The following DTNA variants were observed in gnomAD, a reference collection of about 807,000 sequenced individuals.
DTNA encodes the protein dystrobrevin alpha, also known as dystrophin-related protein 3.
In DTNA, 43 loss-of-function variants were observed where a neutral mutation model predicts 100.7. The observed-to-expected ratio is 0.43, with a 90% CI of 0.33 to 0.55. DTNA has a LOEUF of 0.55. DTNA is among the 20% of genes least tolerant of loss of function. The pLI, the probability that DTNA is intolerant of heterozygous loss-of-function variation, is 0.04. For synonymous variants in DTNA, 349 were observed against 347.9 expected, an observed-to-expected ratio of 1.00 and a Z score of -0.04; for missense variants, 798 against 953.9, an observed-to-expected ratio of 0.84 and a Z score of 2.15.
chr18:34,655,800 G>A (rs1244887093), intron 1 of DTNA, among the ~76,000 whole-genome samples: 1 of 152,220 alleles, frequency 6.6e-6, no homozygotes, highest in Non-Finnish European at 1.5e-5. Flanking sequence ...TTGTTAGAGT[G>A]TGAATGGGCC....
chr18:34,809,460 T>TCAAAA (rs1003680868), intron 5 of DTNA, among the ~76,000 whole-genome samples: 11 of 151,736 alleles, frequency 7.2e-5, no homozygotes, highest in Admixed American at 5.9e-4. Flanking sequence ...AAAACACAAA[T>TCAAAA]CAAAACAAAA....
At chr18:34,531,672 A>T (rs1442245568) in intron 1 of DTNA, among the ~76,000 whole-genome samples, 2 of 152,148 alleles carry the variant, frequency 1.3e-5, no homozygotes, top group African/African-American at 2.4e-5. Context: ...TGAACACCAC[A>T]GTTAGTTTCT....
At chr18:34,659,104 G>A (rs1031568422) in intron 1 of DTNA, among the ~76,000 whole-genome samples, 2 of 151,660 alleles carry the variant, frequency 1.3e-5, no homozygotes, top group Admixed American at 6.6e-5. Flanking sequence ...GTGTGTGCAC[G>A]CATGTGTGTG....
At chr18:34,883,060 C>A (rs2096888864) in intron 21 of DTNA, among the ~76,000 whole-genome samples, 1 of 152,188 alleles carries the variant, frequency 6.6e-6, no homozygotes, top group African/African-American at 2.4e-5. Context: ...ATGACATATA[C>A]AATTGGCAAT....
chr18:34,603,413 A>C (rs1163462787), intron 1 of DTNA, among the ~76,000 whole-genome samples: 1 of 150,946 alleles, frequency 6.6e-6, no homozygotes, highest in African/African-American at 2.5e-5. Context: ...CTTTTTTTTT[A>C]GCAGTTTTTA....
intron 1 of DTNA, among the ~76,000 whole-genome samples, chr18:34,522,663 A>G (rs1239614966): frequency 6.6e-6 from 1 of 152,198 alleles, no homozygotes. Flanking sequence ...GTTTTATGAC[A>G]TATGAGAGCC....
rs1003294435 is a variant in DTNA, at chr18:34,860,767, A to C, written c.1646+2369A>C. Reference sequence around the variant, plus strand: ...AACTGAAAGCTGAGTCACAGCCAGAAGTGACAATGAATATGAATGATAGGC... The same window carrying C: ...AACTGAAAGCTGAGTCACAGCCAGACGTGACAATGAATATGAATGATAGGC... On this transcript the variant is annotated intron_variant, in intron 16 of 22. Transcript: ENST00000444659. Among the ~76,000 whole-genome samples the C allele has an allele frequency of 2.5e-4, 38 of 152,222 alleles. 1 individual carries two copies. The highest frequency in any genetic ancestry group is 1.7e-3 in the East Asian group (9 of 5,192).
At chr18:34,746,095 C>T (rs1425166823) in intron 1 of DTNA, among the ~76,000 whole-genome samples, 1 of 151,496 alleles carries the variant, frequency 6.6e-6, no homozygotes, top group Non-Finnish European at 1.5e-5. Flanking sequence ...CAATATACTC[C>T]CCACTTTGAT....
chr18:34,619,671 A>G (rs970203645), intron 1 of DTNA, among the ~76,000 whole-genome samples: 32 of 152,162 alleles, frequency 2.1e-4, no homozygotes, highest in African/African-American at 7.0e-4. Flanking sequence ...GAAAAGGTTC[A>G]TGTATGGAAA....
At chr18:34,615,239 CTTT>C (rs2055014442) in intron 1 of DTNA, among the ~76,000 whole-genome samples, 2 of 152,010 alleles carry the variant, frequency 1.3e-5, no homozygotes, top group African/African-American at 4.8e-5. Flanking sequence ...GTGCCACACT[CTTT>C]TAAACAACCA....
intron 1 of DTNA, among the ~76,000 whole-genome samples, chr18:34,736,650 A>G (rs566084110): frequency 2.2e-4 from 33 of 152,320 alleles, no homozygotes; most frequent in African/African-American, 6.7e-4. Context: ...TCTTAGGATT[A>G]AAAGACATTT....
intron 1 of DTNA, among the ~76,000 whole-genome samples, chr18:34,511,665 T>C (rs1344210357): frequency 1.3e-5 from 2 of 152,180 alleles, no homozygotes; most frequent in Non-Finnish European, 2.9e-5. Flanking sequence ...GGTGATATCA[T>C]GGTCAGAACC....
chr18:34,775,927 G>A (rs917382411), intron 3 of DTNA, among the ~76,000 whole-genome samples: 1 of 152,192 alleles, frequency 6.6e-6, no homozygotes, highest in Non-Finnish European at 1.5e-5. Context: ...ACTATACACA[G>A]TAAAGCATGG....
chr18:34,700,452 CA>C (rs1368923323), intron 1 of DTNA, among the ~76,000 whole-genome samples: 2 of 152,180 alleles, frequency 1.3e-5, no homozygotes, highest in African/African-American at 4.8e-5. Context: ...TTCTCACTAT[CA>C]GACTCCTCCT....
chr18:34,636,824 CTA>C (rs2058718507), intron 1 of DTNA, among the ~76,000 whole-genome samples: 1 of 152,098 alleles, frequency 6.6e-6, no homozygotes, highest in African/African-American at 2.4e-5. Flanking sequence ...AAAATTGTGA[CTA>C]TGCCGTAAGA....
intron 1 of DTNA, among the ~76,000 whole-genome samples, chr18:34,645,782 C>G (rs2059764605): frequency 6.6e-6 from 1 of 152,154 alleles, no homozygotes; most frequent in Admixed American, 6.5e-5. Context: ...GATGCTTTCT[C>G]AGCTGTATTG....
chr18:34,745,989 T>C (rs941759117), intron 1 of DTNA, among the ~76,000 whole-genome samples: 9 of 152,182 alleles, frequency 5.9e-5, no homozygotes, highest in African/African-American at 2.2e-4. Context: ...TTTGTTGGGA[T>C]GCCAAGTTTA....
At chr18:34,772,314 A>C (rs1011860096) in intron 3 of DTNA, among the ~76,000 whole-genome samples, 3 of 152,202 alleles carry the variant, frequency 2.0e-5, no homozygotes, top group Non-Finnish European at 4.4e-5. Flanking sequence ...GGTATCCTTC[A>C]TTCAGATATG....
chr18:34,608,486 G>A (rs563897408), intron 1 of DTNA, among the ~76,000 whole-genome samples: 25 of 149,216 alleles, frequency 1.7e-4, no homozygotes, highest in Admixed American at 1.2e-3. Context: ...TCAGAAATTT[G>A]ACAAAAGGGA....
Sources: allele counts gnomAD v4.1 joint callset (sites outside exome capture counted in the v4.1 genomes callset), GRCh38; gene constraint gnomAD v4.1.1; transcripts MANE v1.5; gene names NCBI Gene and HGNC (gene_info 2026-07-23, HGNC 2026-07-21).